Variants in ATP2B2 observed in about 807,000 individuals in gnomAD.
ATP2B2 encodes plasma membrane calcium-transporting ATPase 2.
Under a neutral mutation model 120.0 loss-of-function variants are expected in ATP2B2, and 15 were observed. That is an observed-to-expected ratio of 0.12 (90% confidence interval 0.08 to 0.19). The LOEUF is 0.19. ATP2B2 is among the 10% of genes least tolerant of loss of function. The pLI, the probability that ATP2B2 is intolerant of heterozygous loss-of-function variation, is 1.00. For synonymous variants in ATP2B2, 694 were observed against 700.3 expected (o/e 0.99, Z 0.14); for missense variants, 1,045 against 1,719.8 (o/e 0.61, Z 6.94).
At position 10,388,278 on chromosome 3, in the gene ATP2B2, T is replaced by C. The variant is rs889749947; in HGVS notation, c.906A>G (p.Lys302=). Residue 302 remains lysine, a splice_region_variant and synonymous_variant, in exon 6 of 23, where the codon AAA becomes AAG. Coordinates refer to ENST00000360273, the MANE Select transcript of ATP2B2 (RefSeq NM_001001331.4). ...GGEEEEKKDK[K]GVKKGDGLQL... ...GGTCTGCAAGGGGATTAGGCTTACCTTTTTTGTCTTTCTTCTCTTCCTCTT... is the reference window on the plus strand; with the variant it reads ...GGTCTGCAAGGGGATTAGGCTTACCCTTTTTGTCTTTCTTCTCTTCCTCTT... The C allele has an allele frequency of 8.1e-6, 13 of 1,613,954 alleles. No homozygotes were observed. The highest frequency in any genetic ancestry group is 1.1e-5 in the Non-Finnish European group (13 of 1,179,976).
intron 22 of ATP2B2, chr3:10,336,161 G>C: frequency 6.4e-7 from 1 of 1,550,692 alleles, no homozygotes; most frequent in South Asian, 1.2e-5. Flanking sequence ...GCTGGTCGGA[G>C]AGGAAAGAGC....
intron 2 of ATP2B2, among the ~76,000 whole-genome samples, chr3:10,588,716 G>A (rs559959708): frequency 6.1e-4 from 93 of 152,210 alleles, no homozygotes; most frequent in African/African-American, 1.9e-3. Context: ...AGTGATTGAC[G>A]GGCACTATTT....
intron 1 of ATP2B2, among the ~76,000 whole-genome samples, chr3:10,454,110 A>G (rs1367534441): frequency 6.6e-6 from 1 of 152,146 alleles, no homozygotes; most frequent in Non-Finnish European, 1.5e-5. Flanking sequence ...GGTACTACAC[A>G]GTGCCAGGCA....
At chr3:10,569,694 A>G (rs955962377) in intron 2 of ATP2B2, among the ~76,000 whole-genome samples, 64 of 152,156 alleles carry the variant, frequency 4.2e-4, no homozygotes, top group African/African-American at 1.5e-3. Context: ...GTGAGCTTGA[A>G]GGGGCTCAGG....
intron 2 of ATP2B2, among the ~76,000 whole-genome samples, chr3:10,606,912 C>CACACACACACAG (rs1405755716): frequency 3.2e-3 from 197 of 62,528 alleles, no homozygotes; most frequent in Middle Eastern, 0.012. Flanking sequence ...CACACACACA[C>CACACACACACAG]AGAGAGAGAG....
At chr3:10,658,855 T>G (rs1022451964) in intron 1 of ATP2B2, among the ~76,000 whole-genome samples, 32 of 151,962 alleles carry the variant, frequency 2.1e-4, no homozygotes, top group Middle Eastern at 3.4e-3. Flanking sequence ...AAAGGTCGCG[T>G]TACCCACAAA....
At chr3:10,369,082 A>G (rs1352666880) in intron 12 of ATP2B2, among the ~76,000 whole-genome samples, 2 of 152,192 alleles carry the variant, frequency 1.3e-5, no homozygotes, top group Non-Finnish European at 2.9e-5. Flanking sequence ...AGCCCTGCCC[A>G]GGGTCTTATT....
chr3:10,358,172 G>C (rs1162374710), intron 14 of ATP2B2, among the ~76,000 whole-genome samples: 1 of 152,196 alleles, frequency 6.6e-6, no homozygotes, highest in Admixed American at 6.5e-5. Flanking sequence ...AGGCCAGCTT[G>C]CTGGGGTAAA....
chr3:10,466,130 ACT>A (rs1225187791), intron 1 of ATP2B2, among the ~76,000 whole-genome samples: 1 of 152,054 alleles, frequency 6.6e-6, no homozygotes, highest in East Asian at 1.9e-4. Context: ...CAGGGAGTTC[ACT>A]CTCTTTGTCC....
chr3:10,346,120 G>A lies in ATP2B2; in HGVS notation c.2422C>T (p.His808Tyr), dbSNP rs1341826559. The A allele has an allele frequency of 9.3e-6, 15 of 1,611,344 alleles. No homozygotes were observed. Among genetic ancestry groups the A allele is most frequent in the Non-Finnish European group, 1.3e-5 (15 of 1,179,960 alleles). Reference sequence around the variant, plus strand: ...GCCACCACCTGCCGCTGCTCAGTGTGTGTGCTGTCGATGATGCCTGTTGGG... The same window carrying A: ...GCCACCACCTGCCGCTGCTCAGTGTATGTGCTGTCGATGATGCCTGTTGGG... ...TLVKGIIDSTHTEQRQVVAVT... is the reference protein window; with the variant it reads ...TLVKGIIDSTYTEQRQVVAVT... The change falls in exon 17 of 23, where the codon CAC becomes TAC. Residue 808 changes from histidine to tyrosine, a missense_variant. Coordinates refer to ENST00000360273, the MANE Select transcript of ATP2B2 (RefSeq NM_001001331.4). This position sits in a 1 kb window ranked among gnomAD's most constrained non-coding sequence, Gnocchi z 4.1.
rs1486467633 is a variant in ATP2B2 at position 10,324,794 on chromosome 3, AC to A, written c.*4019del. On this transcript the variant is annotated 3_prime_UTR_variant, in exon 23 of 23. Coordinates refer to ENST00000360273, the MANE Select transcript of ATP2B2 (RefSeq NM_001001331.4). ...AACTATCCCCCCAAAACAAAATGAAACAAAAACAACAAAAAACCAGTTCAGG... is the reference window on the plus strand; with the variant it reads ...AACTATCCCCCCAAAACAAAATGAAAAAAAACAACAAAAAACCAGTTCAGG... 2 of 152,278 alleles carry A rather than the reference AC, an allele frequency of 1.3e-5. No individual in the cohort carries two copies. Among genetic ancestry groups the A allele is most frequent in the Non-Finnish European group, 2.9e-5 (2 of 68,094 alleles). 9.4% of individuals were successfully genotyped at this position (152,278 alleles called of 1,614,324 possible).
intron 2 of ATP2B2, among the ~76,000 whole-genome samples, chr3:10,586,482 G>C (rs1025518260): frequency 6.6e-6 from 1 of 152,190 alleles, no homozygotes; most frequent in South Asian, 2.1e-4. Flanking sequence ...GCTTGGAAGT[G>C]GTAGAGACAG....
intron 2 of ATP2B2, among the ~76,000 whole-genome samples, chr3:10,619,394 G>A (rs996503110): frequency 5.3e-5 from 8 of 152,148 alleles, no homozygotes; most frequent in Non-Finnish European, 1.0e-4. Flanking sequence ...GCTTCAAACC[G>A]AAAATGCCCC....
intron 1 of ATP2B2, among the ~76,000 whole-genome samples, chr3:10,469,755 G>A (rs1233211918): frequency 2.0e-5 from 3 of 152,216 alleles, no homozygotes; most frequent in Non-Finnish European, 4.4e-5. Context: ...CCAAGAGAGG[G>A]TGGACTTGAG....
At chr3:10,374,769 C>T (rs748532779) in intron 11 of ATP2B2, among the ~76,000 whole-genome samples, 1 of 152,190 alleles carries the variant, frequency 6.6e-6, no homozygotes, top group South Asian at 2.1e-4. Flanking sequence ...TAGAAAGGTC[C>T]CAGACCAAGC....
chr3:10,529,121 C>T (rs1460211228), intron 3 of ATP2B2, among the ~76,000 whole-genome samples: 5 of 152,204 alleles, frequency 3.3e-5, no homozygotes, highest in Non-Finnish European at 5.9e-5. Flanking sequence ...CAGGTGTTAT[C>T]TCAGAATGAA....
rs760626822 is a variant in ATP2B2 at position 10,328,850 on chromosome 3, T to A, written c.3696A>T (p.Pro1232=). 1 of 1,613,084 alleles carries A rather than the reference T, an allele frequency of 6.2e-7. No homozygotes were observed. Among genetic ancestry groups the A allele is most frequent in the South Asian group, 1.1e-5 (1 of 91,062 alleles). ...TCTCCAGGCTGTGGATGGGGCTCCC[T>A]GGACTTGAAGAGGTAGCTGATTTGC... ...DTSKSATSSS[P]GSPIHSLETS... Residue 1232 remains proline (P), a synonymous_variant, in exon 23 of 23, where the codon CCA becomes CCT. Transcript: ENST00000360273.
rs755247433 is a variant in ATP2B2, at chr3:10,342,982, G to C, written c.2704-17C>G. ...AGGGGAGTCCTGGGGACGGGCAGGA[G>C]AGGGCTGTCACCTGTGCGCCCACCT... On this transcript the variant is annotated splice_polypyrimidine_tract_variant and intron_variant, in intron 18 of 22. Transcript: ENST00000360273. This position sits in a 1 kb window ranked among gnomAD's most constrained non-coding sequence, Gnocchi z 4.4. The C allele has an allele frequency of 5.0e-6, 8 of 1,612,416 alleles. No individual in the cohort carries two copies. The highest frequency in any genetic ancestry group is 3.3e-5 in the Admixed American group (2 of 59,986).
intron 3 of ATP2B2, among the ~76,000 whole-genome samples, chr3:10,513,736 G>C (rs922911627): frequency 6.6e-6 from 1 of 152,186 alleles, no homozygotes; most frequent in African/African-American, 2.4e-5. Flanking sequence ...TGTGCAGGGG[G>C]CTGAGGGGGC....
Sources: allele counts gnomAD v4.1 joint callset (sites outside exome capture counted in the v4.1 genomes callset), GRCh38; gene constraint gnomAD v4.1.1; non-coding constraint Gnocchi (gnomAD v3.1); transcripts MANE v1.5; gene names NCBI Gene and HGNC (gene_info 2026-07-23, HGNC 2026-07-21).